The following TMEM117 variants were observed in gnomAD, a reference collection of about 807,000 sequenced individuals.
TMEM117 encodes transmembrane protein 117.
In TMEM117, 27 loss-of-function variants were observed where a neutral mutation model predicts 52.4. That is an observed-to-expected ratio of 0.51 (90% confidence interval 0.38 to 0.71). The LOEUF (loss-of-function observed/expected upper bound fraction) is 0.71. Ranked by LOEUF, TMEM117 falls within the 30% of genes least tolerant of loss-of-function variation. The pLI is 0.00. For synonymous variants in TMEM117, 215 were observed against 206.3 expected, an observed-to-expected ratio of 1.04 and a Z score of -0.36; for missense variants, 556 against 630.5, an observed-to-expected ratio of 0.88 and a Z score of 1.26.
chr12:43,815,732 G>A, the TMEM117 span, among the ~76,000 whole-genome samples: 1 of 152,212 alleles, frequency 6.6e-6, no homozygotes, highest in Non-Finnish European at 1.5e-5. Flanking sequence ...GAGAACTGCT[G>A]GTCATGCAGC....
chr12:44,173,273 T>C (rs1949073768), intron 4 of TMEM117, among the ~76,000 whole-genome samples: 2 of 152,098 alleles, frequency 1.3e-5, no homozygotes, highest in African/African-American at 2.4e-5. Context: ...GACAAGGTTT[T>C]ATCATGTTTC....
At chr12:43,984,571 CATTATCATAGGGAGAG>C in intron 3 of TMEM117, among the ~76,000 whole-genome samples, 1 of 152,234 alleles carries the variant, frequency 6.6e-6, no homozygotes, top group South Asian at 2.1e-4. Flanking sequence ...TACAGAAAAT[CATTATCATAGGGAGAG>C]ATTTGAATTC....
At chr12:44,323,838 TTA>T (rs1487834321) in intron 6 of TMEM117, among the ~76,000 whole-genome samples, 1 of 152,262 alleles carries the variant, frequency 6.6e-6, no homozygotes, top group East Asian at 1.9e-4. Context: ...GCATCTATAT[TTA>T]TAAATGAGGT....
the TMEM117 span, among the ~76,000 whole-genome samples, chr12:43,829,454 G>A: frequency 1.3e-5 from 2 of 152,118 alleles, no homozygotes; most frequent in African/African-American, 4.8e-5. Flanking sequence ...TCATTGATTG[G>A]GTGGTGTATT....
At chr12:43,873,599 G>C (rs772340706) in intron 2 of TMEM117, among the ~76,000 whole-genome samples, 1 of 151,440 alleles carries the variant, frequency 6.6e-6, no homozygotes, top group African/African-American at 2.4e-5. Context: ...TTAATTTTAT[G>C]TCATTAAAAA....
At chr12:44,346,687 T>A (rs1053283568) in intron 6 of TMEM117, among the ~76,000 whole-genome samples, 2 of 152,130 alleles carry the variant, frequency 1.3e-5, no homozygotes, top group African/African-American at 4.8e-5. Context: ...TTGTGTCAAA[T>A]GCGGCTTGAC....
chr12:43,806,460 C>G, the TMEM117 span: 3 of 997,110 alleles, frequency 3.0e-6, no homozygotes, highest in Non-Finnish European at 3.7e-6. Flanking sequence ...CCCGGCCTCG[C>G]TATCCTAGTT....
At chr12:44,218,002 T>A (rs1949739758) in intron 5 of TMEM117, among the ~76,000 whole-genome samples, 1 of 152,050 alleles carries the variant, frequency 6.6e-6, no homozygotes, top group Non-Finnish European at 1.5e-5. Context: ...GGTGGGCAGA[T>A]CTCTTGAGTT....
intron 5 of TMEM117, among the ~76,000 whole-genome samples, chr12:44,242,253 C>T (rs1302153269): frequency 6.6e-6 from 1 of 151,562 alleles, no homozygotes; most frequent in Non-Finnish European, 1.5e-5. Context: ...AAGCCTAGTA[C>T]CCAATAGTTA....
At chr12:44,184,368 T>A (rs2138323703) in intron 4 of TMEM117, among the ~76,000 whole-genome samples, 2 of 151,944 alleles carry the variant, frequency 1.3e-5, no homozygotes, top group South Asian at 4.2e-4. Flanking sequence ...AATAAAAAAG[T>A]AGAGAAATTA....
chr12:44,334,424 A>T (rs1951312411), intron 6 of TMEM117, among the ~76,000 whole-genome samples: 2 of 152,054 alleles, frequency 1.3e-5, no homozygotes, highest in Admixed American at 6.6e-5. Flanking sequence ...ACCAAGATTT[A>T]GGAGTACATG....
the TMEM117 span, among the ~76,000 whole-genome samples, chr12:43,819,371 A>T: frequency 4.6e-5 from 7 of 152,162 alleles, no homozygotes; most frequent in African/African-American, 1.7e-4. Flanking sequence ...GAACTTTCCT[A>T]TCTTGTTTCT....
chr12:43,965,579 T>C (rs1945470889), intron 3 of TMEM117, among the ~76,000 whole-genome samples: 1 of 152,184 alleles, frequency 6.6e-6, no homozygotes, highest in African/African-American at 2.4e-5. Context: ...TTACTTTCTG[T>C]TTGATATTGT....
In TMEM117 at chr12:43,912,507, TTATATATA is replaced by T. The variant is rs56170922; in HGVS notation, c.278-31681_278-31674del. Among the ~76,000 whole-genome samples, 57 of 132,100 alleles carry T rather than the reference TTATATATA, an allele frequency of 4.3e-4. 3 individuals carry two copies. Among genetic ancestry groups the T allele is most frequent in the South Asian group, 2.2e-3 (10 of 4,538 alleles). The allele number at this position is 132,100 out of a possible 152,430, so 86.7% of individuals were successfully genotyped here. A position where few individuals can be genotyped will look rare whatever the true frequency, so the allele number is the denominator to read the frequency against. On this transcript the variant is annotated intron_variant, in intron 2 of 7. Coordinates refer to ENST00000266534, the MANE Select transcript of TMEM117 (RefSeq NM_032256.3). ...AAACTTAAAGTATAATAATAATAATTTATATATATATATATATATATATATATATGGCA... is the reference window on the plus strand; with the variant it reads ...AAACTTAAAGTATAATAATAATAATTTATATATATATATATATATATGGCA...
chr12:43,902,129 C>G (rs1254894025), intron 2 of TMEM117, among the ~76,000 whole-genome samples: 1 of 152,204 alleles, frequency 6.6e-6, no homozygotes, highest in Non-Finnish European at 1.5e-5. Flanking sequence ...AGCAGAGTCA[C>G]ACCTGACGGT....
chr12:43,907,225 G>C (rs373727860), intron 2 of TMEM117, among the ~76,000 whole-genome samples: 1 of 151,518 alleles, frequency 6.6e-6, no homozygotes, highest in African/African-American at 2.4e-5. Context: ...GGCACCCCCC[G>C]GCAGGAGCAG....
At chr12:44,369,957 A>T (rs750226691) in intron 6 of TMEM117, among the ~76,000 whole-genome samples, 2 of 152,194 alleles carry the variant, frequency 1.3e-5, no homozygotes, top group African/African-American at 2.4e-5. Context: ...GACATCTAGG[A>T]AGTAACCTCC....
chr12:44,216,633 A>T (rs959851160), intron 5 of TMEM117, among the ~76,000 whole-genome samples: 1 of 152,180 alleles, frequency 6.6e-6, no homozygotes, highest in African/African-American at 2.4e-5. Flanking sequence ...AGTATTACTG[A>T]GTATTATAGT....
intron 5 of TMEM117, among the ~76,000 whole-genome samples, chr12:44,285,474 T>C (rs1950627231): frequency 6.6e-6 from 1 of 152,204 alleles, no homozygotes; most frequent in South Asian, 2.1e-4. Context: ...CAGCAGCATT[T>C]ACTTACTGAA....
Sources: allele counts gnomAD v4.1 joint callset (sites outside exome capture counted in the v4.1 genomes callset), GRCh38; gene constraint gnomAD v4.1.1; transcripts MANE v1.5; gene names NCBI Gene and HGNC (gene_info 2026-07-23, HGNC 2026-07-21).